Variants in FAM135B observed in about 807,000 individuals in gnomAD.
FAM135B encodes protein FAM135B.
In FAM135B, 43 loss-of-function variants were observed where a neutral mutation model predicts 127.7. The ratio of observed to expected loss-of-function variants is 0.34; its 90% CI spans 0.26 to 0.43. FAM135B has a LOEUF of 0.43. FAM135B is among the 20% of genes least tolerant of loss of function. The pLI is 1.00. For missense variants in FAM135B, 1,558 were observed against 1,725.6 expected, an observed-to-expected ratio of 0.90 and a Z score of 1.72; for synonymous variants, 670 against 665.1, an observed-to-expected ratio of 1.01 and a Z score of -0.11.
chr8:138,403,980 A>T (rs1833305042), intron 1 of FAM135B, among the ~76,000 whole-genome samples: 1 of 152,198 alleles, frequency 6.6e-6, no homozygotes, highest in Non-Finnish European at 1.5e-5. Flanking sequence ...TTGCACAACA[A>T]TAGTATTAAG....
intron 12 of FAM135B, 47 bp from the exon 13 acceptor site, chr8:138,153,263 T>G: frequency 7.1e-7 from 1 of 1,402,130 alleles, no homozygotes; most frequent in Non-Finnish European, 9.6e-7. Flanking sequence ...TAAGAATCTG[T>G]GTTTACAAGT....
intron 2 of FAM135B, among the ~76,000 whole-genome samples, chr8:138,344,610 C>T (rs1318211045): frequency 1.5e-5 from 2 of 135,348 alleles, no homozygotes; most frequent in Admixed American, 8.8e-5. Context: ...GAGTCTCGCT[C>T]TGTCGCCCAG....
intron 3 of FAM135B, among the ~76,000 whole-genome samples, chr8:138,278,087 T>C (rs1823970344): frequency 1.3e-5 from 2 of 152,042 alleles, no homozygotes. Flanking sequence ...CCCTGGTGCC[T>C]AAACAAACTT....
At chr8:138,240,342 C>T (rs1820654055) in intron 7 of FAM135B, among the ~76,000 whole-genome samples, 1 of 152,098 alleles carries the variant, frequency 6.6e-6, no homozygotes. Flanking sequence ...AATGGTCTAT[C>T]ATGTGTGCCA....
At chr8:138,401,934 A>G (rs1349058256) in intron 1 of FAM135B, among the ~76,000 whole-genome samples, 1 of 152,128 alleles carries the variant, frequency 6.6e-6, no homozygotes, top group African/African-American at 2.4e-5. Context: ...CTCTCCACAG[A>G]TATTTATTCT....
chr8:138,248,754 A>C (rs1821479216), intron 6 of FAM135B, among the ~76,000 whole-genome samples: 1 of 147,610 alleles, frequency 6.8e-6, no homozygotes, highest in African/African-American at 2.5e-5. Flanking sequence ...CAGTTGGCAG[A>C]GGTTGCAGTG....
chr8:138,253,118 A>C (rs748831548), intron 5 of FAM135B, among the ~76,000 whole-genome samples: 2 of 151,980 alleles, frequency 1.3e-5, no homozygotes, highest in Non-Finnish European at 2.9e-5. Flanking sequence ...CTTCTTTTCT[A>C]AACTGCCATC....
intron 1 of FAM135B, among the ~76,000 whole-genome samples, chr8:138,426,674 A>G (rs2131486484): frequency 6.6e-6 from 1 of 152,018 alleles, no homozygotes; most frequent in African/African-American, 2.4e-5. Flanking sequence ...AAAACACTTC[A>G]TGGCAAAGAG....
At chr8:138,423,978 G>C (rs920482586) in intron 1 of FAM135B, among the ~76,000 whole-genome samples, 39 of 152,192 alleles carry the variant, frequency 2.6e-4, no homozygotes, top group Non-Finnish European at 1.5e-5. Context: ...AAATATGGCT[G>C]TGTTCTGCCC....
At position 138,405,393 on chromosome 8, in the gene FAM135B, G is replaced by A. The variant is rs555502881; in HGVS notation, c.-19-37391C>T. 2.3e-5 allele frequency among the ~76,000 whole-genome samples: 3 copies of A among 129,998 alleles called. No homozygotes were observed. In the East Asian group the frequency reaches 7.0e-4, roughly 30 times the overall value. The allele number at this position is 129,998 out of a possible 152,430, so 85.3% of individuals were successfully genotyped here. Reference sequence around the variant, plus strand: ...CCCACCCCACAACAGTCCCCAGAGTGTGATGTTCCCCTTCCTGTGTCCATG... The same window carrying A: ...CCCACCCCACAACAGTCCCCAGAGTATGATGTTCCCCTTCCTGTGTCCATG... On this transcript the variant is annotated intron_variant, in intron 1 of 19. Coordinates refer to ENST00000395297, the MANE Select transcript of FAM135B (RefSeq NM_015912.4).
At chr8:138,349,255 G>A (rs1035577045) in intron 2 of FAM135B, among the ~76,000 whole-genome samples, 2 of 152,186 alleles carry the variant, frequency 1.3e-5, no homozygotes, top group Admixed American at 6.5e-5. Context: ...TGGGAATAGG[G>A]ACCCAGAACA....
chr8:138,424,705 C>T (rs1834738219), intron 1 of FAM135B, among the ~76,000 whole-genome samples: 1 of 152,062 alleles, frequency 6.6e-6, no homozygotes, highest in African/African-American at 2.4e-5. Flanking sequence ...TGTGCCTTAC[C>T]CCAAAACTCT....
chr8:138,399,720 A>G (rs1833044555), intron 1 of FAM135B, among the ~76,000 whole-genome samples: 1 of 152,222 alleles, frequency 6.6e-6, no homozygotes, highest in African/African-American at 2.4e-5. Flanking sequence ...TAAATAATAG[A>G]ATGAACAATA....
chr8:138,238,538 T>C (rs1305776780), intron 7 of FAM135B, among the ~76,000 whole-genome samples: 1 of 152,174 alleles, frequency 6.6e-6, no homozygotes, highest in Non-Finnish European at 1.5e-5. Flanking sequence ...GAAAAAGACA[T>C]GGCCTGTCTC....
chr8:138,155,002 C>T (rs1357565636), intron 12 of FAM135B, among the ~76,000 whole-genome samples: 1 of 152,094 alleles, frequency 6.6e-6, no homozygotes, highest in Admixed American at 6.6e-5. Flanking sequence ...ATCAGATTCA[C>T]CAAAGTTGAA....
chr8:138,462,897 GT>G (rs1165513790), intron 1 of FAM135B, among the ~76,000 whole-genome samples: 1 of 152,184 alleles, frequency 6.6e-6, no homozygotes, highest in Non-Finnish European at 1.5e-5. Flanking sequence ...CTTCTCTGAT[GT>G]TTCTGAGTGG....
intron 7 of FAM135B, among the ~76,000 whole-genome samples, chr8:138,227,298 G>A (rs995470085): frequency 3.9e-5 from 6 of 152,190 alleles, no homozygotes; most frequent in Non-Finnish European, 8.8e-5. Context: ...TCAGCTATTT[G>A]GGAGTGGTGG....
chr8:138,352,076 C>T (rs1829818503), intron 2 of FAM135B, among the ~76,000 whole-genome samples: 1 of 152,128 alleles, frequency 6.6e-6, no homozygotes, highest in African/African-American at 2.4e-5. Context: ...GTGCATAATA[C>T]TCTAGGTCTA....
At position 138,151,731 on chromosome 8, in the gene FAM135B, T is replaced by C. The variant is rs1391035908; in HGVS notation, c.2744A>G (p.Gln915Arg). The C allele has an allele frequency of 2.9e-5, 47 of 1,614,096 alleles. No individual in the cohort carries two copies. The Admixed American group carries it at 7.2e-4, about 25-fold the overall frequency. Reference protein sequence around the residue: ...KGMPKDLNVGQQALSNSGISE... With the variant: ...KGMPKDLNVGRQALSNSGISE... ...GATGCCACTGTTGGAAAGAGCTTGCTGACCCACATTCAAGTCTTTAGGCAT... is the reference window on the plus strand; with the variant it reads ...GATGCCACTGTTGGAAAGAGCTTGCCGACCCACATTCAAGTCTTTAGGCAT... The change falls in exon 13 of 20, where the codon CAG becomes CGG. Residue 915 changes from glutamine to arginine, a missense_variant. By Grantham distance (43) the Gln-to-Arg change is conservative. Around this residue, in one of 5 missense-constraint regions of FAM135B, gnomAD observed 923 missense variants for 865.3 expected, o/e 1.07. Coordinates refer to ENST00000395297, the MANE Select transcript of FAM135B (RefSeq NM_015912.4).
Sources: gnomAD v4.1 joint callset for allele counts (sites outside exome capture counted in the v4.1 genomes callset) on GRCh38, gnomAD v4.1.1 for gene constraint, gnomAD v4.1.1 regional missense constraint, MANE v1.5 for transcripts, NCBI Gene and HGNC (gene_info 2026-07-23, HGNC 2026-07-21) for gene names.